TRHDE: variants seen among roughly 807,000 people sequenced by gnomAD.
The protein encoded by TRHDE is thyrotropin-releasing hormone-degrading ectoenzyme.
Under a neutral mutation model 125.7 loss-of-function variants are expected in TRHDE, and 72 were observed. The observed-to-expected ratio is 0.57, with a 90% CI of 0.47 to 0.70. The LOEUF (loss-of-function observed/expected upper bound fraction) is 0.70. Ranked by LOEUF, TRHDE falls within the 30% of genes least tolerant of loss-of-function variation. TRHDE has a pLI of 0.00. For missense variants in TRHDE, 1,110 were observed against 1,327.1 expected (o/e 0.84, Z 2.54); for synonymous variants, 509 against 509.1 (o/e 1.00, Z 0.00).
chr12:72,583,112 T>C (rs1405321923), intron 12 of TRHDE, among the ~76,000 whole-genome samples: 1 of 152,198 alleles, frequency 6.6e-6, no homozygotes, highest in African/African-American at 2.4e-5. Flanking sequence ...CGTCCATGTA[T>C]GGTTATAGCT....
chr12:72,091,111 T>C (rs1874780132), intron 1 of TRHDE, among the ~76,000 whole-genome samples: 1 of 152,130 alleles, frequency 6.6e-6, no homozygotes, highest in Admixed American at 6.5e-5. Flanking sequence ...TGGGCTCAAG[T>C]GATCCTCCCT....
intron 9 of TRHDE, among the ~76,000 whole-genome samples, chr12:72,567,403 A>G (rs775916164): frequency 3.3e-5 from 5 of 151,918 alleles, no homozygotes; most frequent in Non-Finnish European, 5.9e-5. Context: ...TAGGATTGGT[A>G]TAAAATTATG....
intron 7 of TRHDE, among the ~76,000 whole-genome samples, chr12:72,545,504 G>C (rs1305241191): frequency 6.6e-6 from 1 of 151,460 alleles, no homozygotes; most frequent in Non-Finnish European, 1.5e-5. Context: ...ATTTGGGTTT[G>C]ATATATTTAA....
At chr12:72,378,809 A>G (rs1049249962) in intron 3 of TRHDE, among the ~76,000 whole-genome samples, 11 of 152,150 alleles carry the variant, frequency 7.2e-5, no homozygotes, top group Non-Finnish European at 1.6e-4. Flanking sequence ...GCACTTGGTA[A>G]TTGTCGGTCA....
At chr12:72,122,555 T>A (rs1248833135) in intron 2 of TRHDE, among the ~76,000 whole-genome samples, 1 of 151,812 alleles carries the variant, frequency 6.6e-6, no homozygotes, top group East Asian at 1.9e-4. Context: ...TTCTAGAGAG[T>A]TTTTTTTCAA....
rs1875199267 is a variant in TRHDE at position 72,669,570 on chromosome 12, C to G, written c.*6375C>G. 6.6e-6 allele frequency: 1 copy of G among 151,820 alleles called. No homozygotes were observed. The highest frequency in any genetic ancestry group is 1.5e-5 in the Non-Finnish European group (1 of 67,856). 9.4% of individuals were successfully genotyped at this position (151,820 alleles called of 1,614,324 possible). ...AATCATTTAGTAGCTACCCTTTTAA[C>G]CTCTACTATGTTCACAGTATTGCAT... On this transcript the variant is annotated 3_prime_UTR_variant, in exon 19 of 19. Transcript: ENST00000261180.
At chr12:72,271,393 C>T (rs1293009231), upstream of TRHDE, among the ~76,000 whole-genome samples, 1 of 152,040 alleles carries the variant, frequency 6.6e-6, no homozygotes, top group Admixed American at 6.5e-5. Flanking sequence ...ATGTTAATAG[C>T]CAAAGGCTCC....
intron 2 of TRHDE, among the ~76,000 whole-genome samples, chr12:72,224,122 CTATCTATCTATCTATCTATTTATCTATG>C (rs1350838544): frequency 2.4e-3 from 178 of 74,686 alleles, no homozygotes; most frequent in South Asian, 4.6e-3. Context: ...ATCTATCTAT[CTATCTATCTATCTATCTATTTATCTATG>C]TATGTATGTA....
intron 3 of TRHDE, among the ~76,000 whole-genome samples, chr12:72,440,850 C>G (rs1044661096): frequency 1.3e-5 from 2 of 151,890 alleles, no homozygotes; most frequent in African/African-American, 4.8e-5. Flanking sequence ...GCAACCAGGA[C>G]TTCAATTTCT....
At chr12:72,413,774 T>C (rs555817200) in intron 3 of TRHDE, among the ~76,000 whole-genome samples, 2 of 152,068 alleles carry the variant, frequency 1.3e-5, no homozygotes, top group Non-Finnish European at 2.9e-5. Context: ...TAGATTGTCA[T>C]ACACTTATGG....
At chr12:72,102,871 GGCATTGTCACA>G (rs1299559249) in intron 1 of TRHDE, among the ~76,000 whole-genome samples, 5 of 152,200 alleles carry the variant, frequency 3.3e-5, no homozygotes, top group African/African-American at 1.2e-4. Flanking sequence ...ACACCTTGGA[GGCATTGTCACA>G]GCAGCAGAGA....
intron 3 of TRHDE, among the ~76,000 whole-genome samples, chr12:72,382,847 G>A (rs561906603): frequency 8.5e-5 from 13 of 152,166 alleles, no homozygotes. Context: ...TTTCTGATGT[G>A]GAATTAGTTT....
intron 6 of TRHDE, among the ~76,000 whole-genome samples, chr12:72,535,281 T>C (rs1868797004): frequency 1.3e-5 from 2 of 152,158 alleles, no homozygotes; most frequent in African/African-American, 4.8e-5. Flanking sequence ...CCTAAGTACA[T>C]GACAGAACCA....
At chr12:72,470,863 CTTTTTTTTTTTTTTTTTT>C (rs768937293) in intron 4 of TRHDE, among the ~76,000 whole-genome samples, 5 of 67,932 alleles carry the variant, frequency 7.4e-5, no homozygotes, top group South Asian at 5.9e-4. Flanking sequence ...TAAATGTCAG[CTTTTTTTTTTTTTTTTTT>C]TTTTTTTTTT....
intron 2 of TRHDE, among the ~76,000 whole-genome samples, chr12:72,346,145 T>C (rs1422164711): frequency 2.0e-5 from 3 of 152,030 alleles, no homozygotes; most frequent in Non-Finnish European, 4.4e-5. Flanking sequence ...TCCACTGCTA[T>C]TTTGGGGCCT....
chr12:72,607,248 C>T (rs917121136), intron 12 of TRHDE, among the ~76,000 whole-genome samples: 29 of 152,234 alleles, frequency 1.9e-4, no homozygotes, highest in African/African-American at 6.5e-4. Context: ...CCCTGTAAAT[C>T]GGTAACTGAA....
At chr12:72,113,118 C>G (rs12314617) in intron 2 of TRHDE, among the ~76,000 whole-genome samples, 114,971 of 152,056 alleles carry the variant, frequency 0.76, 44,091 homozygotes, top group Non-Finnish European at 0.82. Flanking sequence ...CCCAGGCTCA[C>G]GTGATCCTCC....
At chr12:72,089,825 G>A (rs1874750545) in intron 1 of TRHDE, among the ~76,000 whole-genome samples, 1 of 152,090 alleles carries the variant, frequency 6.6e-6, no homozygotes, top group South Asian at 2.1e-4. Context: ...ATGTGAACTG[G>A]GATCTGCATC....
At chr12:72,628,628 T>C (rs1202924034) in intron 15 of TRHDE, among the ~76,000 whole-genome samples, 2 of 151,828 alleles carry the variant, frequency 1.3e-5, no homozygotes. Flanking sequence ...TATTCTAACA[T>C]CAGAATATGT....
Sources: gnomAD v4.1 joint callset for allele counts (sites outside exome capture counted in the v4.1 genomes callset) on GRCh38, gnomAD v4.1.1 for gene constraint, MANE v1.5 for transcripts, NCBI Gene and HGNC (gene_info 2026-07-23, HGNC 2026-07-21) for gene names.